Variants in ERI3 observed in about 807,000 individuals in gnomAD.
ERI3 encodes the protein ERI1 exoribonuclease family member 3.
In ERI3, 18 loss-of-function variants were observed where a neutral mutation model predicts 44.4. That is an observed-to-expected ratio of 0.41 (90% CI 0.28 to 0.60). The LOEUF is 0.60. ERI3 is among the 20% of genes least tolerant of loss of function. The probability of loss-of-function intolerance (pLI) is 0.36; values close to 1 mark genes in which losing one functional copy is unlikely to be tolerated. For missense variants in ERI3, 294 were observed against 435.5 expected (o/e 0.68, Z 2.89); for synonymous variants, 183 against 164.8 (o/e 1.11, Z -0.84).
chr1:44,259,689 G>GACACACACACACACACACACACAC (rs58901342), intron 7 of ERI3, among the ~76,000 whole-genome samples: 111 of 140,382 alleles, frequency 7.9e-4, no homozygotes, highest in African/African-American at 1.8e-3. Flanking sequence ...AAAACACACA[G>GACACACACACACACACACACACAC]ACACACACAC....
At chr1:44,261,576 A>C (rs1001315695) in intron 7 of ERI3, among the ~76,000 whole-genome samples, 2 of 152,266 alleles carry the variant, frequency 1.3e-5, no homozygotes, top group African/African-American at 4.8e-5. Flanking sequence ...GAACGAGAGC[A>C]GGCAGCGGCC....
chr1:44,253,493 G>C (rs1288877887), intron 7 of ERI3, among the ~76,000 whole-genome samples: 5 of 152,190 alleles, frequency 3.3e-5, no homozygotes, highest in Admixed American at 3.3e-4. Context: ...TCCAGGTTCA[G>C]CCTAATACCA....
chr1:44,351,737 T>C (rs1646894279), intron 2 of ERI3, among the ~76,000 whole-genome samples: 1 of 152,222 alleles, frequency 6.6e-6, no homozygotes, highest in Non-Finnish European at 1.5e-5. Flanking sequence ...CATATCCTCC[T>C]GTCCCCTGAC....
At chr1:44,245,696 A>C (rs1164551977) in intron 8 of ERI3, among the ~76,000 whole-genome samples, 1 of 152,232 alleles carries the variant, frequency 6.6e-6, no homozygotes, top group Admixed American at 6.5e-5. Context: ...CCTAGGGTCA[A>C]CAGGTGAACA....
intron 8 of ERI3, among the ~76,000 whole-genome samples, chr1:44,232,464 T>G (rs907201526): frequency 6.6e-6 from 1 of 152,212 alleles, no homozygotes; most frequent in Non-Finnish European, 1.5e-5. Context: ...AAGAAAGGCA[T>G]TCTATGAGTA....
chr1:44,290,536 G>C (rs1268392178), intron 6 of ERI3, among the ~76,000 whole-genome samples: 2 of 152,184 alleles, frequency 1.3e-5, no homozygotes, highest in Non-Finnish European at 2.9e-5. Flanking sequence ...TTGAGCCTCA[G>C]GAAAGGGCCC....
intron 6 of ERI3, among the ~76,000 whole-genome samples, chr1:44,294,340 C>T (rs2154325060): frequency 6.6e-6 from 1 of 152,174 alleles, no homozygotes; most frequent in East Asian, 1.9e-4. Flanking sequence ...CATATAGCGC[C>T]TCCCTGATCC....
chr1:44,314,549 A>G (rs1425156525), intron 4 of ERI3, among the ~76,000 whole-genome samples: 1 of 152,204 alleles, frequency 6.6e-6, no homozygotes, highest in Non-Finnish European at 1.5e-5. Context: ...AACCCACAGC[A>G]TGCCCACCCG....
chr1:44,348,737 A>C (rs775509641), intron 2 of ERI3, among the ~76,000 whole-genome samples: 2 of 152,256 alleles, frequency 1.3e-5, no homozygotes, highest in Non-Finnish European at 2.9e-5. Context: ...ATCAGACTGC[A>C]GTTCTGCAAT....
At chr1:44,282,912 C>CA (rs1645318908) in intron 7 of ERI3, among the ~76,000 whole-genome samples, 1 of 152,212 alleles carries the variant, frequency 6.6e-6, no homozygotes, top group South Asian at 2.1e-4. Context: ...CCTTTACCCC[C>CA]ACCCTTTGGG....
chr1:44,318,787 A>C (rs1414059789), intron 4 of ERI3, among the ~76,000 whole-genome samples: 1 of 152,238 alleles, frequency 6.6e-6, no homozygotes, highest in Non-Finnish European at 1.5e-5. Context: ...CAAAGTCTCT[A>C]ATGTACCTCA....
At chr1:44,238,653 T>A (rs1035660363) in intron 8 of ERI3, among the ~76,000 whole-genome samples, 1 of 152,082 alleles carries the variant, frequency 6.6e-6, no homozygotes, top group Non-Finnish European at 1.5e-5. Flanking sequence ...GCAGGAAGGA[T>A]GCCTGAGAGC....
intron 7 of ERI3, among the ~76,000 whole-genome samples, chr1:44,277,407 G>A (rs933572826): frequency 2.0e-5 from 3 of 152,026 alleles, no homozygotes; most frequent in Admixed American, 1.3e-4. Context: ...AACAAAACCC[G>A]CTTTAACCCC....
intron 5 of ERI3, among the ~76,000 whole-genome samples, chr1:44,310,953 G>GCGCGCGCGCGCA (rs1553195188): frequency 1.5e-5 from 1 of 67,472 alleles, no homozygotes; most frequent in African/African-American, 6.3e-5. Flanking sequence ...TGTGCACATC[G>GCGCGCGCGCGCA]CGCGCGCGCG....
chr1:44,355,177 A>G lies in ERI3; in HGVS notation c.-151T>C, dbSNP rs1482132518. ...GCGCCGGCCAGGCAGAGGCAGGGCC[A>G]GCTCCGCCCGCTCCCCACCGCCCGT... On this transcript the variant is annotated 5_prime_UTR_variant, in exon 1 of 9. Coordinates refer to ENST00000372257, the MANE Select transcript of ERI3 (RefSeq NM_024066.3). 2 of 1,202,314 alleles carry G rather than the reference A, an allele frequency of 1.7e-6. No individual in the cohort carries two copies. The highest frequency in any genetic ancestry group is 3.5e-5 in the East Asian group (1 of 28,934). 74.5% of individuals were successfully genotyped at this position (1,202,314 alleles called of 1,614,324 possible).
intron 3 of ERI3, among the ~76,000 whole-genome samples, chr1:44,331,573 C>G (rs16831923): frequency 0.25 from 37,595 of 152,086 alleles, 4,724 homozygotes; most frequent in Non-Finnish European, 0.26. Flanking sequence ...CTTATAGCAT[C>G]ACAATGACAC....
chr1:44,231,795 T>C (rs1292250085), intron 8 of ERI3, among the ~76,000 whole-genome samples: 2 of 152,228 alleles, frequency 1.3e-5, no homozygotes, highest in Non-Finnish European at 2.9e-5. Context: ...GGCACAGGGA[T>C]GGGCATGTGT....
chr1:44,343,587 G>A (rs1646726360), intron 2 of ERI3, among the ~76,000 whole-genome samples: 2 of 152,154 alleles, frequency 1.3e-5, no homozygotes, highest in South Asian at 4.1e-4. Flanking sequence ...GAATGCCAAG[G>A]AACGTTTACT....
At chr1:44,307,039 T>C (rs1376951796) in intron 6 of ERI3, among the ~76,000 whole-genome samples, 1 of 152,230 alleles carries the variant, frequency 6.6e-6, no homozygotes, top group Non-Finnish European at 1.5e-5. Flanking sequence ...GATTCATATC[T>C]GCTTCTAGTC....
Sources: gnomAD v4.1 joint callset for allele counts (sites outside exome capture counted in the v4.1 genomes callset) on GRCh38, gnomAD v4.1.1 for gene constraint, MANE v1.5 for transcripts, NCBI Gene and HGNC (gene_info 2026-07-23, HGNC 2026-07-21) for gene names.